Variants in TSHZ2 observed in about 807,000 individuals in gnomAD.
TSHZ2 encodes the protein teashirt zinc finger homeobox 2, also known as teashirt homolog 2.
TSHZ2 carries 21 observed loss-of-function variants against 74.4 expected under a neutral mutation model. The observed-to-expected ratio is 0.28, with a 90% CI of 0.20 to 0.41. The LOEUF (loss-of-function observed/expected upper bound fraction) is 0.41. Among genes scored for constraint, TSHZ2 ranks in the 10% least tolerant of loss-of-function variants. The pLI is 1.00. For synonymous variants in TSHZ2, 540 were observed against 515.3 expected (o/e 1.05, Z -0.65); for missense variants, 1,244 against 1,293.5 (o/e 0.96, Z 0.59).
At chr20:53,471,034 G>GA (rs1985782867) in intron 2 of TSHZ2, among the ~76,000 whole-genome samples, 1 of 151,934 alleles carries the variant, frequency 6.6e-6, no homozygotes, top group South Asian at 2.1e-4. Flanking sequence ...AATGGTCTTT[G>GA]AAAAAAATGT....
At chr20:53,370,666 A>T (rs956206238) in intron 2 of TSHZ2, among the ~76,000 whole-genome samples, 1 of 152,088 alleles carries the variant, frequency 6.6e-6, no homozygotes, top group African/African-American at 2.4e-5. Context: ...CAGGGGGCTG[A>T]GGTGGGAAGA....
At chr20:53,384,900 G>T (rs1981988533) in intron 2 of TSHZ2, among the ~76,000 whole-genome samples, 1 of 152,082 alleles carries the variant, frequency 6.6e-6, no homozygotes, top group Non-Finnish European at 1.5e-5. Flanking sequence ...AGGCGGGTGG[G>T]TCACGAGGTC....
chr20:53,471,230 G>A (rs533809172), intron 2 of TSHZ2, among the ~76,000 whole-genome samples: 2 of 150,642 alleles, frequency 1.3e-5, no homozygotes, highest in Non-Finnish European at 3.0e-5. Flanking sequence ...TTTTTCTTTT[G>A]TATTGTTTTA....
intron 1 of TSHZ2, among the ~76,000 whole-genome samples, chr20:53,133,145 C>A (rs1273601778): frequency 6.6e-6 from 1 of 152,200 alleles, no homozygotes; most frequent in Non-Finnish European, 1.5e-5. Context: ...CACTCTTTGA[C>A]ACGTTAGACT....
At chr20:53,336,668 G>A (rs766531120) in intron 2 of TSHZ2, among the ~76,000 whole-genome samples, 5 of 152,132 alleles carry the variant, frequency 3.3e-5, no homozygotes, top group Non-Finnish European at 4.4e-5. Context: ...TGTTACGATG[G>A]TAGATACAAC....
intron 1 of TSHZ2, among the ~76,000 whole-genome samples, chr20:53,188,463 T>C (rs1343809689): frequency 1.3e-5 from 2 of 152,228 alleles, no homozygotes; most frequent in African/African-American, 4.8e-5. Context: ...TCACTTTGAT[T>C]TCTCTAGGAC....
At chr20:53,366,385 G>A (rs1415321176) in intron 2 of TSHZ2, among the ~76,000 whole-genome samples, 3 of 152,174 alleles carry the variant, frequency 2.0e-5, no homozygotes, top group African/African-American at 4.8e-5. Context: ...TAGTGGGAAA[G>A]GTGTTTAGTC....
chr20:53,105,352 G>A (rs1041950112), intron 1 of TSHZ2, among the ~76,000 whole-genome samples: 2 of 152,236 alleles, frequency 1.3e-5, no homozygotes, highest in East Asian at 1.9e-4. Flanking sequence ...TGTGATTGTA[G>A]AATGTTTAGC....
intron 1 of TSHZ2, among the ~76,000 whole-genome samples, chr20:53,051,352 T>C (rs1241227350): frequency 6.6e-6 from 1 of 152,006 alleles, no homozygotes; most frequent in Non-Finnish European, 1.5e-5. Flanking sequence ...AAAAAAGATA[T>C]TGTACCACTT....
At chr20:53,329,102 A>G (rs1429304961) in intron 2 of TSHZ2, among the ~76,000 whole-genome samples, 1 of 152,218 alleles carries the variant, frequency 6.6e-6, no homozygotes, top group Non-Finnish European at 1.5e-5. Flanking sequence ...AAGGGTTTCA[A>G]GCTTAATATA....
chr20:53,188,919 A>G (rs1338862810), intron 1 of TSHZ2, among the ~76,000 whole-genome samples: 1 of 152,210 alleles, frequency 6.6e-6, no homozygotes, highest in East Asian at 1.9e-4. Context: ...TCCTTATAAC[A>G]TGTCTATGAG....
At chr20:53,285,105 A>G (rs575582677) in intron 2 of TSHZ2, among the ~76,000 whole-genome samples, 1 of 152,292 alleles carries the variant, frequency 6.6e-6, no homozygotes, top group East Asian at 1.9e-4. Context: ...CTGAGTGGGG[A>G]AGTTGTAGCT....
At chr20:53,140,206 T>G (rs1320333857) in intron 1 of TSHZ2, among the ~76,000 whole-genome samples, 1 of 152,078 alleles carries the variant, frequency 6.6e-6, no homozygotes, top group South Asian at 2.1e-4. Context: ...ATATATAATA[T>G]GATATACTAA....
intron 1 of TSHZ2, among the ~76,000 whole-genome samples, chr20:53,093,989 T>A (rs1225574065): frequency 1.1e-4 from 1 of 9,378 alleles, no homozygotes; most frequent in Non-Finnish European, 1.8e-4. Flanking sequence ...TTTGACTTAG[T>A]TTTTTTTTTT....
intron 2 of TSHZ2, among the ~76,000 whole-genome samples, chr20:53,278,231 T>G (rs969430862): frequency 4.6e-5 from 7 of 152,240 alleles, no homozygotes; most frequent in Non-Finnish European, 7.3e-5. Context: ...AAAGCCCAGA[T>G]AGATAGCTGG....
intron 1 of TSHZ2, among the ~76,000 whole-genome samples, chr20:53,211,829 G>A (rs770883609): frequency 7.2e-5 from 11 of 152,118 alleles, no homozygotes; most frequent in South Asian, 4.2e-4. Context: ...CAGTGTACCC[G>A]TCACCCCAGA....
At chr20:53,117,595 T>G (rs1462958843) in intron 1 of TSHZ2, among the ~76,000 whole-genome samples, 1 of 152,174 alleles carries the variant, frequency 6.6e-6, no homozygotes, top group African/African-American at 2.4e-5. Context: ...TAGATTGAGC[T>G]GAGAACCAGG....
intron 2 of TSHZ2, among the ~76,000 whole-genome samples, chr20:53,414,060 G>T (rs1026993248): frequency 1.3e-5 from 2 of 152,140 alleles, no homozygotes; most frequent in African/African-American, 2.4e-5. Context: ...GGTCAAGGCT[G>T]CAGTGAGCCA....
chr20:53,387,405 G>A (rs1663940414), intron 2 of TSHZ2, among the ~76,000 whole-genome samples: 1 of 152,172 alleles, frequency 6.6e-6, no homozygotes, highest in South Asian at 2.1e-4. Context: ...CTTTGAAGAT[G>A]GTTTCCACCA....
Sources: allele counts gnomAD v4.1 joint callset (sites outside exome capture counted in the v4.1 genomes callset), GRCh38; gene constraint gnomAD v4.1.1; transcripts MANE v1.5; gene names NCBI Gene and HGNC (gene_info 2026-07-23, HGNC 2026-07-21).